RGS7: variants seen among roughly 807,000 people sequenced by gnomAD.
RGS7 encodes the protein regulator of G protein signaling 7.
Under a neutral mutation model 81.1 loss-of-function variants are expected in RGS7, and 27 were observed. That is an observed-to-expected ratio of 0.33 (90% CI 0.25 to 0.46). The LOEUF (loss-of-function observed/expected upper bound fraction) is 0.46. Ranked by LOEUF, RGS7 falls within the 20% of genes least tolerant of loss-of-function variation. RGS7 has a pLI of 1.00. For synonymous variants in RGS7, 208 were observed against 207.7 expected (o/e 1.00, Z -0.01); for missense variants, 396 against 607.4 (o/e 0.65, Z 3.66).
intron 2 of RGS7, among the ~76,000 whole-genome samples, chr1:241,220,276 C>T (rs1483860229): frequency 1.3e-5 from 2 of 152,168 alleles, no homozygotes; most frequent in African/African-American, 2.4e-5. Context: ...ACCCTTGTTA[C>T]ATAAACCTAG....
intron 2 of RGS7, among the ~76,000 whole-genome samples, chr1:241,124,963 G>A (rs1238016232): frequency 6.6e-6 from 1 of 152,188 alleles, no homozygotes; most frequent in African/African-American, 2.4e-5. Flanking sequence ...GGAGACTAAA[G>A]CATTTGCTCC....
At chr1:241,178,365 TA>T (rs2071332031) in intron 2 of RGS7, among the ~76,000 whole-genome samples, 1 of 151,972 alleles carries the variant, frequency 6.6e-6, no homozygotes, top group African/African-American at 2.4e-5. Flanking sequence ...CGCTGAGGGT[TA>T]GAGACATAAA....
At chr1:241,041,867 A>C (rs2060639369) in intron 3 of RGS7, among the ~76,000 whole-genome samples, 1 of 152,092 alleles carries the variant, frequency 6.6e-6, no homozygotes, top group African/African-American at 2.4e-5. Context: ...TCCCTGCTAG[A>C]CTTTGAATTT....
At chr1:241,290,770 T>G (rs2079045775) in intron 2 of RGS7, among the ~76,000 whole-genome samples, 1 of 152,198 alleles carries the variant, frequency 6.6e-6, no homozygotes. Flanking sequence ...TCTCCAAATC[T>G]CAATTTTCTC....
chr1:240,925,489 G>A (rs1000262099), intron 6 of RGS7, among the ~76,000 whole-genome samples: 12 of 152,156 alleles, frequency 7.9e-5, no homozygotes, highest in African/African-American at 2.9e-4. Context: ...AGTATTCCAC[G>A]GTGTATATAT....
chr1:241,299,472 G>T (rs2079608156), intron 2 of RGS7, among the ~76,000 whole-genome samples: 1 of 151,898 alleles, frequency 6.6e-6, no homozygotes, highest in South Asian at 2.1e-4. Flanking sequence ...CAATTCAAAA[G>T]ACTTTCTTAG....
At chr1:241,053,670 G>T (rs1558651720) in intron 3 of RGS7, among the ~76,000 whole-genome samples, 1 of 152,192 alleles carries the variant, frequency 6.6e-6, no homozygotes, top group Middle Eastern at 3.4e-3. Flanking sequence ...GATATGGTTT[G>T]GCTGTGTCCC....
At chr1:241,019,630 G>C (rs904890364) in intron 3 of RGS7, among the ~76,000 whole-genome samples, 3 of 152,134 alleles carry the variant, frequency 2.0e-5, no homozygotes, top group African/African-American at 7.2e-5. Flanking sequence ...CCTTGTGATA[G>C]TTTGCTGAGA....
chr1:241,136,931 T>C (rs2067564667), intron 2 of RGS7, among the ~76,000 whole-genome samples: 1 of 152,212 alleles, frequency 6.6e-6, no homozygotes, highest in African/African-American at 2.4e-5. Flanking sequence ...TGTTAATCTG[T>C]TGGTGGCTTG....
intron 4 of RGS7, among the ~76,000 whole-genome samples, chr1:240,949,319 T>G (rs1198243394): frequency 6.6e-6 from 1 of 152,192 alleles, no homozygotes; most frequent in Non-Finnish European, 1.5e-5. Flanking sequence ...TTTTATTAAT[T>G]TACCCTATTA....
At chr1:240,821,103 A>T (rs1253691960) in intron 10 of RGS7, among the ~76,000 whole-genome samples, 1 of 152,114 alleles carries the variant, frequency 6.6e-6, no homozygotes, top group African/African-American at 2.4e-5. Context: ...GTCGACTCAC[A>T]CCTCTGGGCA....
At chr1:240,784,201 A>AAAAAC (rs1553300791) in intron 18 of RGS7, among the ~76,000 whole-genome samples, 4 of 151,810 alleles carry the variant, frequency 2.6e-5, no homozygotes, top group Non-Finnish European at 5.9e-5. Context: ...AAAAAAACAA[A>AAAAAC]AAAACAAAAC....
rs1210571988 is a variant in RGS7 at position 240,801,597 on chromosome 1, C to T, written c.1360-89G>A. 1.7e-5 allele frequency: 16 copies of T among 922,656 alleles called. No individual in the cohort carries two copies. In the East Asian group the frequency reaches 3.8e-4, roughly 22 times the overall value. 57.2% of individuals were successfully genotyped at this position (922,656 alleles called of 1,614,324 possible). On this transcript the variant is annotated intron_variant, in intron 16 of 18. Transcript: ENST00000440928. ...GCAAGGAAAACAGAGCAGAAAAAGA[C>T]AGGATAATGAAATGATGCAACACCA...
chr1:241,309,639 G>A (rs10926459), intron 2 of RGS7, among the ~76,000 whole-genome samples: 6,506 of 152,208 alleles, frequency 0.043, 321 homozygotes, highest in African/African-American at 0.12. Context: ...AGAATGCTCT[G>A]TGTAAACTTG....
intron 2 of RGS7, among the ~76,000 whole-genome samples, chr1:241,245,546 C>T (rs1301929775): frequency 6.6e-6 from 1 of 151,032 alleles, no homozygotes; most frequent in Non-Finnish European, 1.5e-5. Flanking sequence ...CAGTGGCTCA[C>T]GCCTATAATC....
chr1:241,103,350 C>T (rs1373970366), intron 2 of RGS7, among the ~76,000 whole-genome samples: 1 of 152,132 alleles, frequency 6.6e-6, no homozygotes, highest in Non-Finnish European at 1.5e-5. Flanking sequence ...GAACACTAGA[C>T]GATGGGCATG....
intron 2 of RGS7, among the ~76,000 whole-genome samples, chr1:241,235,226 A>G (rs2075863061): frequency 6.6e-6 from 1 of 152,232 alleles, no homozygotes; most frequent in Non-Finnish European, 1.5e-5. Context: ...TGATGTTCAG[A>G]GAGGTGACAC....
At position 241,026,277 on chromosome 1, in the gene RGS7, G is replaced by C. The variant is rs536369608; in HGVS notation, c.176-43148C>G. 3.3e-5 allele frequency among the ~76,000 whole-genome samples: 5 copies of C among 152,282 alleles called. No individual in the cohort carries two copies. The South Asian group carries it at 1.0e-3, about 32-fold the overall frequency. On this transcript the variant is annotated intron_variant, in intron 3 of 18. Coordinates refer to ENST00000440928, the MANE Select transcript of RGS7 (RefSeq NM_001364886.1). The stretch of plus-strand genomic sequence containing the variant: ...GGTATTTTCTACATAATGCAGACTT[G>C]TTAATTTATTCTGCTATTAATAATT...
chr1:241,341,514 A>G (rs1202327284), intron 2 of RGS7, among the ~76,000 whole-genome samples: 1 of 152,150 alleles, frequency 6.6e-6, no homozygotes, highest in African/African-American at 2.4e-5. Flanking sequence ...AGTCCTTTAA[A>G]CTATTAGGAT....
Sources: allele counts gnomAD v4.1 joint callset (sites outside exome capture counted in the v4.1 genomes callset), GRCh38; gene constraint gnomAD v4.1.1; transcripts MANE v1.5; gene names NCBI Gene and HGNC (gene_info 2026-07-23, HGNC 2026-07-21).